ARPIN: variants seen among roughly 807,000 people sequenced by gnomAD.
ARPIN encodes actin related protein 2/3 complex inhibitor.
In ARPIN, 23 loss-of-function variants were observed where a neutral mutation model predicts 25.9. The observed-to-expected ratio is 0.89, with a 90% CI of 0.64 to 1.26. The LOEUF is 1.26. ARPIN is among the 50% of genes most tolerant of loss of function. ARPIN has a pLI of 0.00. For missense variants in ARPIN, 333 were observed against 312.2 expected, an observed-to-expected ratio of 1.07 and a Z score of -0.50; for synonymous variants, 126 against 131.4, an observed-to-expected ratio of 0.96 and a Z score of 0.28.
In ARPIN at chr15:89,901,674, TG is replaced by T; in HGVS notation, c.*120del. On this transcript the variant is annotated 3_prime_UTR_variant, in exon 6 of 6. Coordinates refer to ENST00000357484, the MANE Select transcript of ARPIN (RefSeq NM_182616.4). ...TTCAAAGAGTATTCCAAGGTGGCTA[TG>T]GGGAAGAACCAGGTAAGACTTGGCA... 1 of 1,221,152 alleles carries T rather than the reference TG, an allele frequency of 8.2e-7. No individual in the cohort carries two copies. Among genetic ancestry groups the T allele is most frequent in the African/African-American group, 1.5e-5 (1 of 66,776 alleles). The allele number at this position is 1,221,152 out of a possible 1,614,324, so 75.6% of individuals were successfully genotyped here. A position where few individuals can be genotyped will look rare whatever the true frequency, so the allele number is the denominator to read the frequency against.
At chr15:89,905,337 A>C (rs1897101187) in intron 3 of ARPIN, among the ~76,000 whole-genome samples, 1 of 151,844 alleles carries the variant, frequency 6.6e-6, no homozygotes. Context: ...CTCACGTCTG[A>C]CCACACAAAA....
intron 3 of ARPIN, among the ~76,000 whole-genome samples, chr15:89,906,035 C>T (rs538692880): frequency 6.6e-6 from 1 of 152,192 alleles, no homozygotes; most frequent in African/African-American, 2.4e-5. Flanking sequence ...ATCACGACTC[C>T]TTCCTCTTCC....
rs1432985626 is a variant in ARPIN at position 89,908,434 on chromosome 15, G to C, written c.169-22C>G. ...GCTCCTGGGGCCAGGCAGACAGAGAGTGAGGGGGCGGCTTCATCCCACAAC... is the reference window on the plus strand; with the variant it reads ...GCTCCTGGGGCCAGGCAGACAGAGACTGAGGGGGCGGCTTCATCCCACAAC... On this transcript the variant is annotated intron_variant, in intron 2 of 5. Transcript: ENST00000357484. The C allele has an allele frequency of 3.7e-6, 6 of 1,612,756 alleles. No individual in the cohort carries two copies. The African/African-American group carries it at 5.4e-5, about 14-fold the overall frequency.
At position 89,898,539 on chromosome 15, in the gene ARPIN, TGTTTGA is replaced by T. The variant is rs925767334; in HGVS notation, c.*3250_*3255del. ...AAAGCTCCAAGAAATCCTACAGAAA[TGTTTGA>T]GTTTAACACTACGTTTGTTCCAACA... On this transcript the variant is annotated 3_prime_UTR_variant, in exon 6 of 6. Coordinates refer to ENST00000357484, the MANE Select transcript of ARPIN (RefSeq NM_182616.4). 3.9e-5 allele frequency: 6 copies of T among 152,196 alleles called. No individual in the cohort carries two copies. Among genetic ancestry groups the T allele is most frequent in the East Asian group, 1.9e-4 (1 of 5,188 alleles). 9.4% of individuals were successfully genotyped at this position (152,196 alleles called of 1,614,324 possible). A position where few individuals can be genotyped will look rare whatever the true frequency, so the allele number is the denominator to read the frequency against.
chr15:89,909,641 A>T (rs900003124), intron 2 of ARPIN, among the ~76,000 whole-genome samples: 1 of 152,206 alleles, frequency 6.6e-6, no homozygotes, highest in Non-Finnish European at 1.5e-5. Flanking sequence ...CTGGAAAGAC[A>T]TTTGTCCTAT....
In ARPIN at chr15:89,896,499, A is replaced by G. The variant is rs1250851252; in HGVS notation, c.*5296T>C. The G allele has an allele frequency of 6.6e-6, 1 of 152,260 alleles. No homozygotes were observed. Among genetic ancestry groups the G allele is most frequent in the Non-Finnish European group, 1.5e-5 (1 of 68,048 alleles). 9.4% of individuals were successfully genotyped at this position (152,260 alleles called of 1,614,324 possible). ...AATAAGTAGTTAGGTATAAAACCAG[A>G]TAATAACCTAAACAGAAGAAAGCGA... On this transcript the variant is annotated 3_prime_UTR_variant, in exon 6 of 6. Coordinates refer to ENST00000357484, the MANE Select transcript of ARPIN (RefSeq NM_182616.4).
rs1194304417 is a variant in ARPIN at position 89,896,798 on chromosome 15, G to A, written c.*4997C>T. On this transcript the variant is annotated 3_prime_UTR_variant, in exon 6 of 6. Coordinates refer to ENST00000357484, the MANE Select transcript of ARPIN (RefSeq NM_182616.4). ...AAATGTTTAAGCTCACTATAAGTGG[G>A]GGAAAGGCAAATTAAAATATATTCA... 1.3e-5 allele frequency: 2 copies of A among 152,098 alleles called. No homozygotes were observed. Among genetic ancestry groups the A allele is most frequent in the African/African-American group, 2.4e-5 (1 of 41,416 alleles). The allele number at this position is 152,098 out of a possible 1,614,324, so 9.4% of individuals were successfully genotyped here. A position where few individuals can be genotyped will look rare whatever the true frequency, so the allele number is the denominator to read the frequency against.
intron 5 of ARPIN, chr15:89,902,906 T>C (rs1013489308): frequency 1.5e-6 from 2 of 1,299,532 alleles, no homozygotes; most frequent in South Asian, 1.6e-5. Flanking sequence ...ATGTATTCAC[T>C]TGAAGTAGAA....
rs1216391903 is a variant in ARPIN at position 89,908,616 on chromosome 15, G to A, written c.169-204C>T. ...CACAAGAGCACCTGCCGCATATAAT[G>A]AGCCCTGCTAGAAGTTCCTAACAGG... On this transcript the variant is annotated intron_variant, in intron 2 of 5. Coordinates refer to ENST00000357484, the MANE Select transcript of ARPIN (RefSeq NM_182616.4). 2.0e-5 allele frequency among the ~76,000 whole-genome samples: 3 copies of A among 152,030 alleles called. No individual in the cohort carries two copies. In the South Asian group the frequency reaches 6.2e-4, roughly 32 times the overall value.
At chr15:89,907,419 A>G (rs2141924142) in intron 3 of ARPIN, among the ~76,000 whole-genome samples, 1 of 152,298 alleles carries the variant, frequency 6.6e-6, no homozygotes, top group South Asian at 2.1e-4. Flanking sequence ...TTAATCACCA[A>G]TGTGATAGTA....
intron 1 of ARPIN, 81 bp downstream of exon 1, chr15:89,912,663 T>TGGGGCCCCCC: frequency 2.3e-6 from 2 of 871,106 alleles, no homozygotes; most frequent in Non-Finnish European, 2.8e-6. Flanking sequence ...CCCACCCGCA[T>TGGGGCCCCCC]CCCACCCCCC....
At position 89,895,199 on chromosome 15, in the gene ARPIN, G is replaced by A. The variant is rs1437445143; in HGVS notation, c.*6596C>T. On this transcript the variant is annotated 3_prime_UTR_variant, in exon 6 of 6. Coordinates refer to ENST00000357484, the MANE Select transcript of ARPIN (RefSeq NM_182616.4). ...AAATGAGAAATTGGTTAAGTGCATT[G>A]TTCTACATTGAATATGAGAAATATT... The A allele has an allele frequency of 6.6e-6, 1 of 152,134 alleles. No individual in the cohort carries two copies. Among genetic ancestry groups the A allele is most frequent in the South Asian group, 2.1e-4 (1 of 4,828 alleles). The allele number at this position is 152,134 out of a possible 1,614,324, so 9.4% of individuals were successfully genotyped here.
intron 5 of ARPIN, chr15:89,902,998 T>A: frequency 6.9e-7 from 1 of 1,439,196 alleles, no homozygotes; most frequent in Non-Finnish European, 9.1e-7. Flanking sequence ...GGGGAATAGT[T>A]AGGTTCAGAG....
rs1325784273 is a variant in ARPIN at position 89,895,123 on chromosome 15, T to C, written c.*6672A>G. ...CAGTAAAAAAAAGAAGAAAAAAATATATATCTCAGCAGTGTTATTACAGGG... is the reference window on the plus strand; with the variant it reads ...CAGTAAAAAAAAGAAGAAAAAAATACATATCTCAGCAGTGTTATTACAGGG... On this transcript the variant is annotated 3_prime_UTR_variant, in exon 6 of 6. Coordinates refer to ENST00000357484, the MANE Select transcript of ARPIN (RefSeq NM_182616.4). The C allele has an allele frequency of 2.0e-5, 3 of 152,014 alleles. No homozygotes were observed. Among genetic ancestry groups the C allele is most frequent in the Non-Finnish European group, 4.4e-5 (3 of 68,014 alleles). 9.4% of individuals were successfully genotyped at this position (152,014 alleles called of 1,614,324 possible).
rs1480008112 is a variant in ARPIN, at chr15:89,896,572, TC to T, written c.*5222del. 1 of 152,034 alleles carries T rather than the reference TC, an allele frequency of 6.6e-6. No individual in the cohort carries two copies. Among genetic ancestry groups the T allele is most frequent in the Non-Finnish European group, 1.5e-5 (1 of 67,986 alleles). The allele number at this position is 152,034 out of a possible 1,614,324, so 9.4% of individuals were successfully genotyped here. A position where few individuals can be genotyped will look rare whatever the true frequency, so the allele number is the denominator to read the frequency against. ...TGTATTAGCTTAGAAGCAATAAAAA[TC>T]ACAAAACATCAACAGATATATAAAG... On this transcript the variant is annotated 3_prime_UTR_variant, in exon 6 of 6. Coordinates refer to ENST00000357484, the MANE Select transcript of ARPIN (RefSeq NM_182616.4).
In ARPIN at chr15:89,895,254, GATTT is replaced by G. The variant is rs1222048653; in HGVS notation, c.*6537_*6540del. The G allele has an allele frequency of 1.3e-5, 2 of 152,192 alleles. No homozygotes were observed. Among genetic ancestry groups the G allele is most frequent in the African/African-American group, 2.4e-5 (1 of 41,458 alleles). 9.4% of individuals were successfully genotyped at this position (152,192 alleles called of 1,614,324 possible). ...AGATAATAAAAATCATGCTGGGAAA[GATTT>G]ATGATACGGAAGTGTTCATGACACC... On this transcript the variant is annotated 3_prime_UTR_variant, in exon 6 of 6. Transcript: ENST00000357484.
chr15:89,910,653 G>A lies in ARPIN; in HGVS notation c.168+91C>T, dbSNP rs1897206579. ...AGCCCATCAAGAATCCCAACTCATGGCACTGGAAGGACCCAGCACAAGGAG... is the reference window on the plus strand; with the variant it reads ...AGCCCATCAAGAATCCCAACTCATGACACTGGAAGGACCCAGCACAAGGAG... On this transcript the variant is annotated intron_variant, in intron 2 of 5. Coordinates refer to ENST00000357484, the MANE Select transcript of ARPIN (RefSeq NM_182616.4). 3 of 1,522,640 alleles carry A rather than the reference G, an allele frequency of 2.0e-6. No homozygotes were observed. In the Admixed American group the frequency reaches 5.2e-5, roughly 27 times the overall value. The allele number at this position is 1,522,640 out of a possible 1,614,324, so 94.3% of individuals were successfully genotyped here.
chr15:89,901,905 G>A (rs1163397331), intron 5 of ARPIN, 102 bp from the exon 6 acceptor site: 2 of 1,400,592 alleles, frequency 1.4e-6, no homozygotes, highest in African/African-American at 2.9e-5. Context: ...GGTACCTGTG[G>A]GGCCCATGAG....
rs750773512 is a variant in ARPIN, at chr15:89,903,777, C to T, written c.508G>A (p.Asp170Asn). The change falls in exon 4 of 6, where the codon GAT (aspartate) becomes AAT (asparagine). Residue 170 changes from aspartate (D) to asparagine (N), a missense_variant and splice_region_variant. Physicochemically the swap from Asp to Asn is conservative, Grantham distance 23. Coordinates refer to ENST00000357484, the MANE Select transcript of ARPIN (RefSeq NM_182616.4). Reference protein sequence around the residue: ...LKTRGDGPFLDSLAKLEAGTV... With the variant: ...LKTRGDGPFLNSLAKLEAGTV... Reference sequence around the variant, plus strand: ...CCACAGTGAGGGTTGCATTGCTCACCCAGGAAGGGACCATCGCCCCGAGTC... The same window carrying T: ...CCACAGTGAGGGTTGCATTGCTCACTCAGGAAGGGACCATCGCCCCGAGTC... The T allele has an allele frequency of 1.9e-6, 3 of 1,614,126 alleles. No homozygotes were observed. Among genetic ancestry groups the T allele is most frequent in the South Asian group, 1.1e-5 (1 of 91,084 alleles).
Sources: allele counts gnomAD v4.1 joint callset (sites outside exome capture counted in the v4.1 genomes callset), GRCh38; gene constraint gnomAD v4.1.1; transcripts MANE v1.5; gene names NCBI Gene and HGNC (gene_info 2026-07-23, HGNC 2026-07-21).